The following STRBP variants were observed in gnomAD, a reference collection of about 807,000 sequenced individuals.
STRBP encodes the protein spermatid perinuclear RNA binding protein.
A neutral mutation model predicts 80.1 loss-of-function variants in STRBP; 13 were observed. The observed-to-expected ratio is 0.16, with a 90% CI of 0.11 to 0.26. STRBP has a LOEUF of 0.26. STRBP is among the 10% of genes least tolerant of loss of function. STRBP has a pLI of 1.00. For missense variants in STRBP, 485 were observed against 815.2 expected (o/e 0.59, Z 4.93); for synonymous variants, 284 against 291.2 (o/e 0.98, Z 0.25).
At position 123,170,055 on chromosome 9, in the gene STRBP, C is replaced by T; in HGVS notation, c.391-9G>A. ...TTCTCTTCTGTGAGTTTCTGAAAGT[C>T]ACCAAGATTTCAAAATCACCCAGTT... On this transcript the variant is annotated splice_polypyrimidine_tract_variant and intron_variant, in intron 5 of 18. Transcript: ENST00000348403. 1.9e-6 allele frequency: 3 copies of T among 1,592,134 alleles called. No homozygotes were observed. The highest frequency in any genetic ancestry group is 2.6e-6 in the Non-Finnish European group (3 of 1,171,134).
chr9:123,147,120 G>C, intron 12 of STRBP, 66 bp from the exon 13 acceptor site: 1 of 1,470,368 alleles, frequency 6.8e-7, no homozygotes, highest in Non-Finnish European at 9.3e-7. Flanking sequence ...TGCGTTTTTG[G>C]GGTTCCTAGT....
chr9:123,211,490 CT>C (rs893608114), intron 2 of STRBP, among the ~76,000 whole-genome samples: 7 of 151,832 alleles, frequency 4.6e-5, no homozygotes, highest in African/African-American at 1.5e-4. Context: ...AAGTACCTAC[CT>C]TTTTTTTCCC....
chr9:123,215,424 G>A (rs2039864164), intron 2 of STRBP, among the ~76,000 whole-genome samples: 1 of 152,096 alleles, frequency 6.6e-6, no homozygotes, highest in African/African-American at 2.4e-5. Context: ...TTAAAGCTGG[G>A]GTTAGGGTAA....
chr9:123,198,805 T>C (rs1402930298), intron 2 of STRBP, among the ~76,000 whole-genome samples: 1 of 152,216 alleles, frequency 6.6e-6, no homozygotes, highest in East Asian at 1.9e-4. Context: ...ATCTACTACA[T>C]GTAGCTTGCC....
intron 1 of STRBP, among the ~76,000 whole-genome samples, chr9:123,266,706 C>CCCA (rs946371524): frequency 5.3e-5 from 8 of 152,010 alleles, no homozygotes; most frequent in African/African-American, 1.4e-4. Context: ...TCCTATTTCC[C>CCCA]CCACCACCAC....
chr9:123,184,914 C>A (rs1028867117), intron 2 of STRBP, among the ~76,000 whole-genome samples: 1 of 152,164 alleles, frequency 6.6e-6, no homozygotes, highest in African/African-American at 2.4e-5. Context: ...ATCCTGACTT[C>A]ATTACCCCTG....
intron 11 of STRBP, among the ~76,000 whole-genome samples, chr9:123,150,298 T>C (rs1481749569): frequency 1.3e-5 from 2 of 152,074 alleles, no homozygotes; most frequent in East Asian, 3.9e-4. Flanking sequence ...ACTTCCAGTA[T>C]GAGAGAGTAA....
At chr9:123,206,539 T>C (rs1290879225) in intron 2 of STRBP, among the ~76,000 whole-genome samples, 3 of 152,198 alleles carry the variant, frequency 2.0e-5, no homozygotes, top group African/African-American at 7.2e-5. Context: ...TTGATAGGTA[T>C]TGAAAATGAA....
chr9:123,224,819 G>C (rs1182758165), intron 2 of STRBP, among the ~76,000 whole-genome samples: 3 of 152,132 alleles, frequency 2.0e-5, no homozygotes, highest in African/African-American at 7.2e-5. Context: ...CTCTCCTAAA[G>C]CTGAACATAC....
rs1175657694 is a variant in STRBP, at chr9:123,173,792, G to T, written c.275C>A (p.Ala92Glu). ...LCGVMRIGLV[A>E]KGLLIKDDMD... is the part of the protein sequence containing the mutation. ...ATCATCTTTAATCAGCAAGCCTTTT[G>T]CAACCAGGCCAATCCTCATTACACC... The change falls in exon 5 of 19, where the codon GCA becomes GAA. Residue 92 changes from alanine to glutamate, a missense_variant. Coordinates refer to ENST00000348403, the MANE Select transcript of STRBP (RefSeq NM_018387.5). 6.2e-7 allele frequency: 1 copy of T among 1,613,732 alleles called. No individual in the cohort carries two copies. Among genetic ancestry groups the T allele is most frequent in the South Asian group, 1.1e-5 (1 of 91,050 alleles).
At chr9:123,143,566 C>T (rs550146569) in intron 13 of STRBP, among the ~76,000 whole-genome samples, 3 of 152,334 alleles carry the variant, frequency 2.0e-5, no homozygotes, top group East Asian at 1.9e-4. Context: ...TTATAAACAA[C>T]GCATAACATG....
At chr9:123,151,676 C>A (rs888890055) in intron 11 of STRBP, among the ~76,000 whole-genome samples, 2 of 151,986 alleles carry the variant, frequency 1.3e-5, no homozygotes, top group African/African-American at 4.8e-5. Context: ...CTGTGATGTA[C>A]ATAAATCTGT....
chr9:123,166,386 ACTTT>A (rs1236615473), intron 6 of STRBP, among the ~76,000 whole-genome samples: 2 of 152,178 alleles, frequency 1.3e-5, no homozygotes, highest in Admixed American at 1.3e-4. Flanking sequence ...ACTTAAAACA[ACTTT>A]CTAAGGTATT....
chr9:123,166,111 A>G (rs1271014375), intron 6 of STRBP, among the ~76,000 whole-genome samples: 3 of 152,216 alleles, frequency 2.0e-5, no homozygotes, highest in African/African-American at 7.2e-5. Context: ...ACAGGCAAAA[A>G]GACACCTGAA....
intron 11 of STRBP, among the ~76,000 whole-genome samples, chr9:123,156,557 T>C (rs1296198604): frequency 6.6e-6 from 1 of 151,850 alleles, no homozygotes; most frequent in Non-Finnish European, 1.5e-5. Context: ...AACAAAACAA[T>C]TTTAAACACA....
intron 3 of STRBP, among the ~76,000 whole-genome samples, chr9:123,183,449 A>AG (rs1431654608): frequency 6.6e-6 from 1 of 152,048 alleles, no homozygotes; most frequent in Non-Finnish European, 1.5e-5. Flanking sequence ...AAAAAAAAAA[A>AG]GAAACCTTTT....
intron 2 of STRBP, among the ~76,000 whole-genome samples, chr9:123,225,866 A>G (rs1322525938): frequency 6.6e-6 from 1 of 152,246 alleles, no homozygotes; most frequent in Non-Finnish European, 1.5e-5. Flanking sequence ...TAAATGTGAA[A>G]AAAAGCTAAT....
At chr9:123,242,404 A>G (rs2040713879) in intron 1 of STRBP, among the ~76,000 whole-genome samples, 2 of 152,160 alleles carry the variant, frequency 1.3e-5, no homozygotes, top group African/African-American at 4.8e-5. Context: ...CATGCCTGTA[A>G]TCCTAGCACT....
At chr9:123,233,134 C>T (rs901213415) in intron 2 of STRBP, among the ~76,000 whole-genome samples, 26 of 152,150 alleles carry the variant, frequency 1.7e-4, no homozygotes, top group African/African-American at 5.8e-4. Context: ...AGTGCAGTGG[C>T]GTGAACATAG....
Sources: gnomAD v4.1 joint callset for allele counts (sites outside exome capture counted in the v4.1 genomes callset) on GRCh38, gnomAD v4.1.1 for gene constraint, MANE v1.5 for transcripts, NCBI Gene and HGNC (gene_info 2026-07-23, HGNC 2026-07-21) for gene names.